The following NFATC3 variants were observed in gnomAD, a reference collection of about 807,000 sequenced individuals.
NFATC3 encodes nuclear factor of activated T cells 3, also known as nuclear factor of activated T-cells, cytoplasmic 3.
In NFATC3, 46 loss-of-function variants were observed where a neutral mutation model predicts 98.6. The ratio of observed to expected loss-of-function variants is 0.47; its 90% CI spans 0.37 to 0.60. The LOEUF (loss-of-function observed/expected upper bound fraction) is 0.60. Among genes scored for constraint, NFATC3 ranks in the 20% least tolerant of loss-of-function variants. The probability of loss-of-function intolerance (pLI) is 0.00; values close to 1 mark genes in which losing one functional copy is unlikely to be tolerated. For synonymous variants in NFATC3, 512 were observed against 472.2 expected (o/e 1.08, Z -1.09); for missense variants, 1,256 against 1,295.5 (o/e 0.97, Z 0.47).
intron 3 of NFATC3, among the ~76,000 whole-genome samples, chr16:68,141,025 C>A (rs957519591): frequency 1.3e-5 from 2 of 152,194 alleles, no homozygotes; most frequent in Admixed American, 6.6e-5. Context: ...TTTGCTCCCA[C>A]TTATAAGTGA....
intron 1 of NFATC3, among the ~76,000 whole-genome samples, chr16:68,099,967 C>A (rs550214834): frequency 6.6e-6 from 1 of 152,190 alleles, no homozygotes; most frequent in African/African-American, 2.4e-5. Flanking sequence ...AGCCACCGTG[C>A]CAGGCCCTAT....
intron 9 of NFATC3, among the ~76,000 whole-genome samples, chr16:68,219,580 A>G (rs557298611): frequency 4.3e-4 from 65 of 152,118 alleles, no homozygotes; most frequent in African/African-American, 1.5e-3. Flanking sequence ...AAATAATAAT[A>G]GTAATAATAA....
intron 4 of NFATC3, among the ~76,000 whole-genome samples, chr16:68,160,030 A>G (rs531785593): frequency 1.3e-4 from 20 of 152,046 alleles, no homozygotes; most frequent in Non-Finnish European, 2.5e-4. Flanking sequence ...GTGGGCTGAG[A>G]TCACTCCATT....
chr16:68,104,653 GTTT>G (rs778016298), intron 1 of NFATC3, among the ~76,000 whole-genome samples: 1 of 126,688 alleles, frequency 7.9e-6, no homozygotes, highest in South Asian at 2.4e-4. Flanking sequence ...TTCACAAATG[GTTT>G]TTTTTTTTTT....
chr16:68,127,034 G>C lies in NFATC3; in HGVS notation c.1401+424G>C, dbSNP rs1006836155. Among the ~76,000 whole-genome samples, 5 of 152,072 alleles carry C rather than the reference G, an allele frequency of 3.3e-5. No homozygotes were observed. In the East Asian group the frequency reaches 7.7e-4, roughly 23 times the overall value. On this transcript the variant is annotated intron_variant, in intron 3 of 9. Coordinates refer to ENST00000346183, the MANE Select transcript of NFATC3 (RefSeq NM_173165.3). The stretch of plus-strand genomic sequence containing the variant: ...TCGAGACCAGCCTGGCCAACACAGT[G>C]AAATCCCGTCTCTACTAAAAATACA...
At chr16:68,104,157 A>G (rs1316602033) in intron 1 of NFATC3, among the ~76,000 whole-genome samples, 1 of 152,224 alleles carries the variant, frequency 6.6e-6, no homozygotes, top group Admixed American at 6.5e-5. Context: ...TTTTCAATCC[A>G]TGTACACAAG....
intron 3 of NFATC3, among the ~76,000 whole-genome samples, chr16:68,136,044 C>G (rs1485613638): frequency 6.6e-6 from 1 of 151,624 alleles, no homozygotes; most frequent in African/African-American, 2.4e-5. Context: ...GCCTGGGCAA[C>G]AAGAGTGAAA....
At chr16:68,086,218 A>G (rs2151432272) in intron 1 of NFATC3, among the ~76,000 whole-genome samples, 1 of 152,306 alleles carries the variant, frequency 6.6e-6, no homozygotes, top group Middle Eastern at 3.4e-3. Flanking sequence ...GGACCCCTCT[A>G]AAAATCAGGC....
intron 1 of NFATC3, among the ~76,000 whole-genome samples, chr16:68,091,548 A>G (rs1302893067): frequency 1.3e-5 from 2 of 152,226 alleles, no homozygotes; most frequent in Middle Eastern, 6.3e-3. Context: ...AGAGAAGTTA[A>G]TGAGTTGTAT....
At chr16:68,118,899 G>A (rs1484243350) in intron 1 of NFATC3, among the ~76,000 whole-genome samples, 1 of 152,012 alleles carries the variant, frequency 6.6e-6, no homozygotes, top group Non-Finnish European at 1.5e-5. Flanking sequence ...AGACAGCCTC[G>A]CTCTGTTGCC....
At chr16:68,211,710 C>T (rs976101211) in intron 9 of NFATC3, among the ~76,000 whole-genome samples, 55 of 151,438 alleles carry the variant, frequency 3.6e-4, no homozygotes, top group African/African-American at 1.3e-3. Flanking sequence ...TTAGTAGAGA[C>T]GGGGTTTCAC....
Position 68,122,173 on chromosome 16 carries a change from A to G in NFATC3, c.290A>G (p.Tyr97Cys), listed in dbSNP as rs758926970. 4 of 1,613,990 alleles carry G rather than the reference A, an allele frequency of 2.5e-6. No individual in the cohort carries two copies. Among genetic ancestry groups the G allele is most frequent in the South Asian group, 1.1e-5 (1 of 91,088 alleles). ...EGTCEIPESK[Y>C]SPLGGPKPFE... Reference sequence around the variant, plus strand: ...ACTTGTGAGATTCCTGAATCTAAATATAGCCCATTAGGTGGTCCCAAACCC... The same window carrying G: ...ACTTGTGAGATTCCTGAATCTAAATGTAGCCCATTAGGTGGTCCCAAACCC... Residue 97 changes from tyrosine to cysteine, a missense_variant, in exon 2 of 10, where the codon TAT (tyrosine) becomes TGT (cysteine). Transcript: ENST00000346183.
chr16:68,142,901 G>T (rs2037832564), intron 3 of NFATC3, among the ~76,000 whole-genome samples: 1 of 151,850 alleles, frequency 6.6e-6, no homozygotes, highest in Non-Finnish European at 1.5e-5. Context: ...TTGTCTGATT[G>T]TTCTGGCTAG....
At chr16:68,093,703 T>C (rs2034854117) in intron 1 of NFATC3, among the ~76,000 whole-genome samples, 1 of 152,244 alleles carries the variant, frequency 6.6e-6, no homozygotes, top group South Asian at 2.1e-4. Flanking sequence ...TATTTCTATT[T>C]AGCGCATAAG....
chr16:68,212,525 C>T (rs77055954), intron 9 of NFATC3: 5,726 of 152,110 alleles, frequency 0.038, 120 homozygotes, highest in Middle Eastern at 0.15. Flanking sequence ...CTCACTATTT[C>T]GTTATTGTGT....
chr16:68,161,171 G>C (rs2038876327), intron 4 of NFATC3, among the ~76,000 whole-genome samples: 1 of 152,120 alleles, frequency 6.6e-6, no homozygotes, highest in African/African-American at 2.4e-5. Context: ...CTTCCCTTTT[G>C]TTCTGGGATC....
At chr16:68,118,195 C>T (rs2036390183) in intron 1 of NFATC3, among the ~76,000 whole-genome samples, 1 of 152,166 alleles carries the variant, frequency 6.6e-6, no homozygotes, top group South Asian at 2.1e-4. Context: ...ATTTATCTTT[C>T]AGGTTTTAGC....
chr16:68,112,948 G>C (rs2036062804), intron 1 of NFATC3, among the ~76,000 whole-genome samples: 2 of 152,134 alleles, frequency 1.3e-5, no homozygotes, highest in Admixed American at 1.3e-4. Context: ...GGTCATTTAT[G>C]TTCCTCTGTA....
intron 3 of NFATC3, among the ~76,000 whole-genome samples, chr16:68,134,485 G>A (rs1011404996): frequency 3.9e-5 from 6 of 152,084 alleles, no homozygotes; most frequent in Non-Finnish European, 8.8e-5. Context: ...GAGCCACTGT[G>A]CCCAGCCAGC....
Sources: allele counts gnomAD v4.1 joint callset (sites outside exome capture counted in the v4.1 genomes callset), GRCh38; gene constraint gnomAD v4.1.1; transcripts MANE v1.5; gene names NCBI Gene and HGNC (gene_info 2026-07-23, HGNC 2026-07-21).